EFCAB6: variants seen among roughly 807,000 people sequenced by gnomAD.
The protein encoded by EFCAB6 is EF-hand calcium binding domain 6.
EFCAB6 carries 156 observed loss-of-function variants against 169.8 expected under a neutral mutation model. The ratio of observed to expected loss-of-function variants is 0.92; its 90% confidence interval spans 0.81 to 1.05. The LOEUF (loss-of-function observed/expected upper bound fraction) is 1.05. EFCAB6 is among the 50% of genes least tolerant of loss of function. The pLI is 0.00. For missense variants in EFCAB6, 1,800 were observed against 1,829.1 expected, an observed-to-expected ratio of 0.98 and a Z score of 0.29; for synonymous variants, 698 against 676.4, an observed-to-expected ratio of 1.03 and a Z score of -0.50.
chr22:43,733,499 T>C (rs142950234), intron 7 of EFCAB6, among the ~76,000 whole-genome samples: 1,668 of 152,214 alleles, frequency 0.011, 29 homozygotes, highest in African/African-American at 0.039. Context: ...TTGGTGGTAA[T>C]TGTATCTCTG....
intron 6 of EFCAB6, among the ~76,000 whole-genome samples, chr22:43,740,737 G>A (rs2060338057): frequency 1.3e-5 from 2 of 152,172 alleles, no homozygotes; most frequent in Non-Finnish European, 2.9e-5. Flanking sequence ...GCCGGCTCCA[G>A]TGCCTCTGTC....
intron 9 of EFCAB6, among the ~76,000 whole-genome samples, chr22:43,714,057 A>G (rs997391254): frequency 9.2e-5 from 14 of 152,238 alleles, no homozygotes; most frequent in Admixed American, 2.6e-4. Context: ...AAATGATAAA[A>G]TAACTTTTTA....
chr22:43,784,708 CACACACACACAT>C (rs2062013067), intron 2 of EFCAB6, among the ~76,000 whole-genome samples: 5 of 135,910 alleles, frequency 3.7e-5, no homozygotes, highest in Admixed American at 3.0e-4. Flanking sequence ...CACACACACA[CACACACACACAT>C]ATATATATAT....
At chr22:43,743,958 G>A (rs956762401) in intron 6 of EFCAB6, among the ~76,000 whole-genome samples, 9 of 151,670 alleles carry the variant, frequency 5.9e-5, no homozygotes, top group Admixed American at 3.3e-4. Context: ...ATGGGTGAAC[G>A]GATGGGTGGG....
chr22:43,578,647 T>C (rs1602381696), intron 25 of EFCAB6, among the ~76,000 whole-genome samples: 1 of 152,038 alleles, frequency 6.6e-6, no homozygotes, highest in East Asian at 1.9e-4. Flanking sequence ...TCCATACATG[T>C]AGGCATCATA....
chr22:43,559,406 T>G (rs571062775), intron 26 of EFCAB6, among the ~76,000 whole-genome samples: 3,172 of 152,304 alleles, frequency 0.021, 113 homozygotes, highest in African/African-American at 0.073. Flanking sequence ...GCTTTTACAC[T>G]GATGGTGGGA....
chr22:43,676,320 G>T (rs1191659438), intron 13 of EFCAB6, among the ~76,000 whole-genome samples: 1 of 151,522 alleles, frequency 6.6e-6, no homozygotes, highest in Admixed American at 6.6e-5. Context: ...GGGAGGCTGA[G>T]GCAGGAGAAT....
intron 19 of EFCAB6, among the ~76,000 whole-genome samples, chr22:43,631,298 T>C (rs1180112639): frequency 1.3e-5 from 2 of 151,890 alleles, no homozygotes; most frequent in Non-Finnish European, 2.9e-5. Flanking sequence ...CACCCTCTTT[T>C]ACTTCTCATC....
chr22:43,748,770 C>T (rs1291042402), intron 6 of EFCAB6, among the ~76,000 whole-genome samples: 6 of 152,264 alleles, frequency 3.9e-5, no homozygotes, highest in Admixed American at 1.3e-4. Flanking sequence ...CTACGTGTTA[C>T]GGAAAATGTA....
intron 5 of EFCAB6, among the ~76,000 whole-genome samples, chr22:43,756,392 G>T (rs1440420847): frequency 6.6e-6 from 1 of 152,172 alleles, no homozygotes; most frequent in Non-Finnish European, 1.5e-5. Flanking sequence ...GCTCAGTGAA[G>T]GGCTTCGTGG....
At chr22:43,797,812 G>A (rs367544426) in intron 2 of EFCAB6, among the ~76,000 whole-genome samples, 7 of 152,224 alleles carry the variant, frequency 4.6e-5, no homozygotes, top group Admixed American at 6.5e-5. Flanking sequence ...CTGCTTCTCT[G>A]CTGCCATCCT....
At chr22:43,755,630 CTATT>C in intron 6 of EFCAB6, 132 bp downstream of exon 6, 1 of 769,264 alleles carries the variant, frequency 1.3e-6, no homozygotes, top group Non-Finnish European at 2.0e-6. Flanking sequence ...ATCAGAAGAT[CTATT>C]TAGTCAGACA....
At chr22:43,755,649 T>C (rs1305580849) in intron 6 of EFCAB6, 117 bp downstream of exon 6, 5 of 912,546 alleles carry the variant, frequency 5.5e-6, no homozygotes, top group Non-Finnish European at 6.5e-6. Flanking sequence ...CAGACAACTA[T>C]GACATGAGAA....
intron 10 of EFCAB6, among the ~76,000 whole-genome samples, chr22:43,704,507 A>G (rs2058882234): frequency 6.6e-6 from 1 of 152,214 alleles, no homozygotes; most frequent in African/African-American, 2.4e-5. Context: ...AAGTGATTGT[A>G]TCTTCAGTAC....
At chr22:43,738,005 T>C (rs1458521948) in intron 6 of EFCAB6, among the ~76,000 whole-genome samples, 1 of 143,416 alleles carries the variant, frequency 7.0e-6, no homozygotes, top group Non-Finnish European at 1.5e-5. Context: ...CACACACACA[T>C]GCACATACAC....
intron 10 of EFCAB6, among the ~76,000 whole-genome samples, chr22:43,690,863 T>C (rs2058387427): frequency 6.6e-6 from 1 of 151,966 alleles, no homozygotes; most frequent in African/African-American, 2.4e-5. Flanking sequence ...ATGCAATAAC[T>C]GTTTCTTCAA....
chr22:43,672,386 T>A, intron 13 of EFCAB6, 81 bp from the exon 14 acceptor site: 1 of 1,459,578 alleles, frequency 6.9e-7, no homozygotes, highest in Non-Finnish European at 9.5e-7. Flanking sequence ...GGACCTGGAC[T>A]GGAATCCTAG....
At chr22:43,729,040 T>C (rs761098386) in intron 8 of EFCAB6, among the ~76,000 whole-genome samples, 10 of 152,120 alleles carry the variant, frequency 6.6e-5, no homozygotes, top group Non-Finnish European at 1.2e-4. Flanking sequence ...TTTTTACTGG[T>C]GGTGGAAGGT....
chr22:43,602,684 T>C (rs2052606838), intron 22 of EFCAB6, among the ~76,000 whole-genome samples: 1 of 152,064 alleles, frequency 6.6e-6, no homozygotes, highest in Non-Finnish European at 1.5e-5. Context: ...CCTAACAGAA[T>C]GGTCCACAGC....
Sources: gnomAD v4.1 joint callset for allele counts (sites outside exome capture counted in the v4.1 genomes callset) on GRCh38, gnomAD v4.1.1 for gene constraint, MANE v1.5 for transcripts, NCBI Gene and HGNC (gene_info 2026-07-23, HGNC 2026-07-21) for gene names.